ZNF300: variants seen among roughly 807,000 people sequenced by gnomAD.
The protein encoded by ZNF300 is zinc finger protein 300.
In ZNF300, 6 loss-of-function variants were observed where a neutral mutation model predicts 13.9. The ratio of observed to expected loss-of-function variants is 0.43; its 90% CI spans 0.24 to 0.85. The LOEUF is 0.85. Ranked by LOEUF, ZNF300 falls within the 40% of genes least tolerant of loss-of-function variation. The probability of loss-of-function intolerance (pLI) is 0.25; values close to 1 mark genes in which losing one functional copy is unlikely to be tolerated. For synonymous variants in ZNF300, 237 were observed against 242.2 expected (o/e 0.98, Z 0.20); for missense variants, 662 against 714.2 (o/e 0.93, Z 0.83).
At position 150,903,178 on chromosome 5, in the gene ZNF300, G is replaced by A; in HGVS notation, c.-23C>T. On this transcript the variant is annotated 5_prime_UTR_variant, in exon 3 of 6. Coordinates refer to ENST00000274599, the MANE Select transcript of ZNF300 (RefSeq NM_052860.4). ...CATTTTTTGCTCTTCCAAAAGGCCA[G>A]ATGACTGAAAAAGCAAAACTGGTGA... The A allele has an allele frequency of 6.2e-7, 1 of 1,613,512 alleles. No homozygotes were observed. Among genetic ancestry groups the A allele is most frequent in the Non-Finnish European group, 8.5e-7 (1 of 1,179,886 alleles).
rs1754780731 is a variant in ZNF300, at chr5:150,896,358, T to C, written c.881A>G (p.Lys294Arg). 1 of 1,613,554 alleles carries C rather than the reference T, an allele frequency of 6.2e-7. No homozygotes were observed. The stretch of plus-strand genomic sequence containing the variant: ...GCATGCACCACAATCATATGGTTTC[T>C]TTCCAGTATGAATTCTTTGATGTAC... ...LIVHQRIHTG[K>R]KPYDCGACGK... Residue 294 changes from lysine to arginine, a missense_variant, in exon 6 of 6, where the codon AAG becomes AGG. Physicochemically the swap from Lys to Arg is conservative, Grantham distance 26 (BLOSUM62 2). Coordinates refer to ENST00000274599, the MANE Select transcript of ZNF300 (RefSeq NM_052860.4).
intron 3 of ZNF300, among the ~76,000 whole-genome samples, chr5:150,901,830 A>G (rs1755004567): frequency 1.3e-5 from 2 of 152,174 alleles, no homozygotes; most frequent in Admixed American, 1.3e-4. Context: ...AAAATAGTAA[A>G]GGAGAATTCT....
Position 150,895,844 on chromosome 5 carries a change from A to C in ZNF300, c.1395T>G (p.Tyr465Ter). Reference sequence around the variant, plus strand: ...ATGTCTTTCCACATTCAGTACATTCATAAGGTTTTTCCCCAGTATGAACTA... The same window carrying C: ...ATGTCTTTCCACATTCAGTACATTCCTAAGGTTTTTCCCCAGTATGAACTA... The part of the protein sequence containing the change: ...HQLVHTGEKP[Y>*]ECTECGKTFS... The change falls in exon 6 of 6, where the codon TAT (tyrosine) becomes TAG (stop). Residue 465 changes from tyrosine (Y) to a stop codon, truncating the protein, a stop_gained. Coordinates refer to ENST00000274599, the MANE Select transcript of ZNF300 (RefSeq NM_052860.4). LOFTEE classifies it low-confidence loss of function (END_TRUNC). 6.2e-7 allele frequency: 1 copy of C among 1,613,694 alleles called. No homozygotes were observed. Among genetic ancestry groups the C allele is most frequent in the Non-Finnish European group, 8.5e-7 (1 of 1,179,848 alleles).
chr5:150,904,006 C>T (rs1188667400), intron 1 of ZNF300, 29 bp from the exon 2 acceptor site: 1 of 152,390 alleles, frequency 6.6e-6, no homozygotes, highest in Admixed American at 6.5e-5. Flanking sequence ...AACAATCATA[C>T]TCATCTCTGG....
chr5:150,904,158 A>ATT (rs150231272), intron 1 of ZNF300, among the ~76,000 whole-genome samples, 181 bp from the exon 2 acceptor site: 5,998 of 152,304 alleles, frequency 0.039, 178 homozygotes, highest in East Asian at 0.16. Flanking sequence ...TAAAATGACC[A>ATT]TTTGATGGGG....
chr5:150,895,526 A>G lies in ZNF300; in HGVS notation c.1713T>C (p.His571=). 6.2e-7 allele frequency: 1 copy of G among 1,613,600 alleles called. No individual in the cohort carries two copies. Among genetic ancestry groups the G allele is most frequent in the Non-Finnish European group, 8.5e-7 (1 of 1,179,752 alleles). The change falls in exon 6 of 6, where the codon CAT becomes CAC. Residue 571 remains histidine (H), a synonymous_variant. Transcript: ENST00000274599. ...KSDLVLHQRI[H]TGERPYQCAI... ...CACATTGATAGGGTCTTTCCCCAGT[A>G]TGAATCCTCTGATGTAAAACAAGGT...
intron 3 of ZNF300, among the ~76,000 whole-genome samples, chr5:150,902,115 G>T (rs1554130011): frequency 6.6e-6 from 1 of 152,060 alleles, no homozygotes; most frequent in Non-Finnish European, 1.5e-5. Flanking sequence ...AAGTTAAAAG[G>T]TCTCTCTGTT....
At position 150,896,084 on chromosome 5, in the gene ZNF300, C is replaced by T. The variant is rs761906020; in HGVS notation, c.1155G>A (p.Glu385=). ...ACTTCTGGGAAAAGGCCTTCCCACA[C>T]TCTCTACATTCATAGGGTTTTTCCC... ...HTGEKPYECR[E]CGKAFSQKSQ... The change falls in exon 6 of 6, where the codon GAG becomes GAA. Residue 385 remains glutamate (E), a synonymous_variant. Transcript: ENST00000274599. The T allele has an allele frequency of 6.2e-7, 1 of 1,613,242 alleles. No homozygotes were observed. The highest frequency in any genetic ancestry group is 8.5e-7 in the Non-Finnish European group (1 of 1,179,708).
intron 3 of ZNF300, among the ~76,000 whole-genome samples, chr5:150,900,180 AAT>A (rs1333715496): frequency 6.6e-6 from 1 of 152,168 alleles, no homozygotes; most frequent in Non-Finnish European, 1.5e-5. Flanking sequence ...ATTTATTCTC[AAT>A]AGTCTAGGTT....
chr5:150,895,390 G>A lies in ZNF300; in HGVS notation c.*34C>T, dbSNP rs1754717920. 1.4e-6 allele frequency: 2 copies of A among 1,474,906 alleles called. No homozygotes were observed. Among genetic ancestry groups the A allele is most frequent in the Admixed American group, 2.1e-5 (1 of 47,998 alleles). The allele number at this position is 1,474,906 out of a possible 1,614,324, so 91.4% of individuals were successfully genotyped here. A position where few individuals can be genotyped will look rare whatever the true frequency, so the allele number is the denominator to read the frequency against. Reference sequence around the variant, plus strand: ...GGGTTTCTAGTAATTATTAAGGCTTGAGCTAATACTAAGGCTTTTCTGTGG... The same window carrying A: ...GGGTTTCTAGTAATTATTAAGGCTTAAGCTAATACTAAGGCTTTTCTGTGG... On this transcript the variant is annotated 3_prime_UTR_variant, in exon 6 of 6. Coordinates refer to ENST00000274599, the MANE Select transcript of ZNF300 (RefSeq NM_052860.4).
chr5:150,900,679 T>C (rs1033928165), intron 3 of ZNF300: 1 of 152,092 alleles, frequency 6.6e-6, no homozygotes, highest in Admixed American at 6.6e-5. Context: ...TAAGAAACGT[T>C]TGTTAAATGA....
At chr5:150,902,004 C>A (rs1755010480) in intron 3 of ZNF300, among the ~76,000 whole-genome samples, 1 of 152,078 alleles carries the variant, frequency 6.6e-6, no homozygotes, top group Admixed American at 6.5e-5. Context: ...TGTACTTCTA[C>A]ATATAAACTG....
rs1157743321 is a variant in ZNF300 at position 150,898,184 on chromosome 5, C to T, written c.143G>A (p.Gly48Glu). 1.9e-6 allele frequency: 3 copies of T among 1,612,502 alleles called. No homozygotes were observed. Residue 48 changes from glycine (G) to glutamate (E), a missense_variant and splice_region_variant, in exon 5 of 6, where the codon GGG becomes GAG. Physicochemically the swap from Gly to Glu is moderately conservative, Grantham distance 98 (BLOSUM62 -2). Transcript: ENST00000274599. ...LENYSHLVSM[G>E]YPVSKPDVIS... ...GACATCTGGTTTGGAAACTGGATAC[C>T]CTATTAAACAGAAATCACAGAGAAT...
In ZNF300 at chr5:150,895,618, G is replaced by T; in HGVS notation, c.1621C>A (p.Arg541=). The T allele has an allele frequency of 6.2e-7, 1 of 1,613,172 alleles. No homozygotes were observed. The highest frequency in any genetic ancestry group is 8.5e-7 in the Non-Finnish European group (1 of 1,179,554). Residue 541 remains arginine, a synonymous_variant, in exon 6 of 6, where the codon CGA becomes AGA. Coordinates refer to ENST00000274599, the MANE Select transcript of ZNF300 (RefSeq NM_052860.4). ...SQKSHLPGHQ[R]IHTGEKPYIC... ...TAAGGTTTCTCTCCTGTATGAATTC[G>T]CTGGTGTCCCGGAAGGTGGGACTTC...
chr5:150,898,173 A>G lies in ZNF300; in HGVS notation c.154T>C (p.Ser52Pro). ...SHLVSMGYPV[S>P]KPDVISKLEQ... ...AACTTGGAGATGACATCTGGTTTGGAAACTGGATACCCTATTAAACAGAAA... is the reference window on the plus strand; with the variant it reads ...AACTTGGAGATGACATCTGGTTTGGGAACTGGATACCCTATTAAACAGAAA... The change falls in exon 5 of 6, where the codon TCC (serine) becomes CCC (proline). Residue 52 changes from serine (S) to proline (P), a missense_variant. Physicochemically the swap from Ser to Pro is moderately conservative, Grantham distance 74. Transcript: ENST00000274599. 1 of 1,613,366 alleles carries G rather than the reference A, an allele frequency of 6.2e-7. No individual in the cohort carries two copies. The highest frequency in any genetic ancestry group is 1.1e-5 in the South Asian group (1 of 91,032).
chr5:150,896,422 T>C lies in ZNF300; in HGVS notation c.817A>G (p.Thr273Ala). The C allele has an allele frequency of 1.2e-6, 2 of 1,613,688 alleles. No individual in the cohort carries two copies. The highest frequency in any genetic ancestry group is 1.7e-6 in the Non-Finnish European group (2 of 1,179,838). ...TTCTTAGCAAAGGCTTTTCCACATG[T>C]AACACATACACAGCTTTTCTCTTTA... ...ETKEKSCVCV[T>A]CGKAFAKKSQ... is the part of the protein sequence containing the mutation. Residue 273 changes from threonine (T) to alanine (A), a missense_variant, in exon 6 of 6, where the codon ACA (threonine) becomes GCA (alanine). Transcript: ENST00000274599.
At chr5:150,902,542 C>T (rs1755026210) in intron 3 of ZNF300, among the ~76,000 whole-genome samples, 1 of 152,206 alleles carries the variant, frequency 6.6e-6, no homozygotes, top group South Asian at 2.1e-4. Flanking sequence ...AACTACTCAA[C>T]TCTGCCATTG....
rs757301239 is a variant in ZNF300, at chr5:150,895,576, C to T, written c.1663G>A (p.Gly555Arg). ...GEKPYICAEC[G>R]KAFSQKSDLV... ...TCTGACTTCTGAGAAAAGGCCTTTCCACATTCAGCACATATGTAAGGTTTC... is the reference window on the plus strand; with the variant it reads ...TCTGACTTCTGAGAAAAGGCCTTTCTACATTCAGCACATATGTAAGGTTTC... The change falls in exon 6 of 6, where the codon GGA becomes AGA. Residue 555 changes from glycine to arginine, a missense_variant. Coordinates refer to ENST00000274599, the MANE Select transcript of ZNF300 (RefSeq NM_052860.4). 1 of 1,613,508 alleles carries T rather than the reference C, an allele frequency of 6.2e-7. No individual in the cohort carries two copies. Among genetic ancestry groups the T allele is most frequent in the Non-Finnish European group, 8.5e-7 (1 of 1,179,746 alleles).
Position 150,896,923 on chromosome 5 carries a change from A to G in ZNF300, c.316T>C (p.Ser106Pro). 6.2e-7 allele frequency: 1 copy of G among 1,613,334 alleles called. No homozygotes were observed. Among genetic ancestry groups the G allele is most frequent in the Non-Finnish European group, 8.5e-7 (1 of 1,179,612 alleles). ...NSQSCILGTV[S>P]FHHKILKGVT... is the part of the protein sequence containing the mutation. The stretch of plus-strand genomic sequence containing the variant: ...CCTTTCAGTATCTTATGATGGAAGG[A>G]AACTGTCCCCAAAATACATGACTGG... The change falls in exon 6 of 6, where the codon TCC becomes CCC. Residue 106 changes from serine (S) to proline (P), a missense_variant. By Grantham distance (74) the Ser-to-Pro change is moderately conservative. Coordinates refer to ENST00000274599, the MANE Select transcript of ZNF300 (RefSeq NM_052860.4).
Sources: allele counts gnomAD v4.1 joint callset (sites outside exome capture counted in the v4.1 genomes callset), GRCh38; gene constraint gnomAD v4.1.1; transcripts MANE v1.5; gene names NCBI Gene and HGNC (gene_info 2026-07-23, HGNC 2026-07-21).